MNAT1: variants seen among roughly 807,000 people sequenced by gnomAD.
The protein encoded by MNAT1 is CDK-activating kinase assembly factor MAT1.
Under a neutral mutation model 42.0 loss-of-function variants are expected in MNAT1, and 43 were observed. That is an observed-to-expected ratio of 1.02 (90% CI 0.80 to 1.32). The LOEUF (loss-of-function observed/expected upper bound fraction) is 1.32. Ranked by LOEUF, MNAT1 falls within the 40% of genes most tolerant of loss-of-function variation. The probability of loss-of-function intolerance (pLI) is 0.00; values close to 1 mark genes in which losing one functional copy is unlikely to be tolerated. For missense variants in MNAT1, 306 were observed against 350.4 expected (o/e 0.87, Z 1.01); for synonymous variants, 118 against 120.0 (o/e 0.98, Z 0.11).
chr14:60,796,175 G>T, intron 1 of MNAT1, 42 bp from the exon 2 acceptor site: 1 of 1,568,500 alleles, frequency 6.4e-7, no homozygotes, highest in South Asian at 1.2e-5. Context: ...TTGTAGATTT[G>T]AACATTGGCT....
At chr14:60,892,223 TTCTA>T (rs1253802542) in intron 7 of MNAT1, among the ~76,000 whole-genome samples, 12 of 152,136 alleles carry the variant, frequency 7.9e-5, no homozygotes, top group Admixed American at 3.3e-4. Flanking sequence ...TGTCTAGTTT[TTCTA>T]TCTATTATTG....
intron 1 of MNAT1, among the ~76,000 whole-genome samples, chr14:60,746,892 C>T (rs1220156086): frequency 2.8e-5 from 2 of 71,694 alleles, no homozygotes; most frequent in Admixed American, 1.7e-4. Context: ...TTTAAAGATT[C>T]ATTTCATATA....
intron 1 of MNAT1, among the ~76,000 whole-genome samples, chr14:60,782,064 A>G (rs1162861685): frequency 6.6e-6 from 1 of 151,610 alleles, no homozygotes; most frequent in Non-Finnish European, 1.5e-5. Flanking sequence ...TCTTCCTGGA[A>G]TGTCAATTTT....
chr14:60,884,268 C>T (rs4151304), intron 7 of MNAT1, among the ~76,000 whole-genome samples: 1,963 of 151,442 alleles, frequency 0.013, 43 homozygotes, highest in African/African-American at 0.046. Flanking sequence ...GGGTTTTTAC[C>T]ATGAAAGAAT....
chr14:60,929,179 A>ATG (rs2035834494), intron 7 of MNAT1, among the ~76,000 whole-genome samples: 1 of 141,608 alleles, frequency 7.1e-6, no homozygotes, highest in Non-Finnish European at 1.5e-5. Context: ...AAATATATAT[A>ATG]TATATATATA....
intron 7 of MNAT1, among the ~76,000 whole-genome samples, chr14:60,885,405 TTGAC>T (rs1273249489): frequency 2.6e-5 from 4 of 152,086 alleles, no homozygotes; most frequent in East Asian, 1.9e-4. Flanking sequence ...TTTGTTTTCT[TTGAC>T]TGTATTTTCA....
At chr14:60,776,013 C>T (rs145379463) in intron 1 of MNAT1, among the ~76,000 whole-genome samples, 287 of 152,254 alleles carry the variant, frequency 1.9e-3, no homozygotes, top group African/African-American at 6.7e-3. Context: ...TTTTCTTCAG[C>T]AAAATTTAGC....
intron 7 of MNAT1, among the ~76,000 whole-genome samples, chr14:60,944,720 T>C (rs2036239313): frequency 1.3e-5 from 2 of 152,198 alleles, no homozygotes; most frequent in South Asian, 4.1e-4. Context: ...TATAAAATTT[T>C]ATAAACTTAT....
intron 1 of MNAT1, among the ~76,000 whole-genome samples, chr14:60,758,961 G>A (rs979218994): frequency 6.6e-6 from 1 of 152,048 alleles, no homozygotes; most frequent in Admixed American, 6.6e-5. Flanking sequence ...GACGCACCAC[G>A]TTTTCCTCTG....
rs2036733788 is a variant in MNAT1, at chr14:60,969,107, C to G, written c.*758C>G. 6.6e-6 allele frequency: 1 copy of G among 152,294 alleles called. No homozygotes were observed. Among genetic ancestry groups the G allele is most frequent in the Non-Finnish European group, 1.5e-5 (1 of 68,138 alleles). The allele number at this position is 152,294 out of a possible 1,614,324, so 9.4% of individuals were successfully genotyped here. On this transcript the variant is annotated 3_prime_UTR_variant, in exon 8 of 8. Transcript: ENST00000261245. Reference sequence around the variant, plus strand: ...AATGTAAGCTCATTTTATGATGAATCCTTTGGAGACTGGAGAAGGTACATT... The same window carrying G: ...AATGTAAGCTCATTTTATGATGAATGCTTTGGAGACTGGAGAAGGTACATT...
intron 1 of MNAT1, among the ~76,000 whole-genome samples, chr14:60,783,948 G>A (rs1481875138): frequency 6.6e-6 from 1 of 151,982 alleles, no homozygotes; most frequent in African/African-American, 2.4e-5. Context: ...TTGCACTTCA[G>A]CCTCCCAAGT....
intron 7 of MNAT1, among the ~76,000 whole-genome samples, chr14:60,905,947 CAT>C (rs2035189069): frequency 6.6e-6 from 1 of 152,088 alleles, no homozygotes; most frequent in Non-Finnish European, 1.5e-5. Context: ...CAAGTTGACA[CAT>C]AAAATTCCAT....
At chr14:60,904,976 CTT>C (rs3081651) in intron 7 of MNAT1, among the ~76,000 whole-genome samples, 5 of 79,010 alleles carry the variant, frequency 6.3e-5, no homozygotes, top group African/African-American at 2.2e-4. Context: ...TCAGCAGTTC[CTT>C]TTTTTTTTTT....
intron 7 of MNAT1, among the ~76,000 whole-genome samples, chr14:60,960,751 C>T (rs2036572137): frequency 6.6e-6 from 1 of 152,134 alleles, no homozygotes; most frequent in Admixed American, 6.5e-5. Context: ...CCCCCATATC[C>T]ACCCACTCAC....
At chr14:60,771,072 A>T (rs972035152) in intron 1 of MNAT1, among the ~76,000 whole-genome samples, 35 of 152,284 alleles carry the variant, frequency 2.3e-4, no homozygotes, top group African/African-American at 7.9e-4. Flanking sequence ...GAATAAAACT[A>T]TTAGGTAATA....
rs1896422496 is a variant in MNAT1, at chr14:60,740,131, G to A, written c.89+5180G>A. ...GATCACACCACTGCACTCCAGCCTA[G>A]GCTACAGAGCAAGACTCCATCTTAA... On this transcript the variant is annotated intron_variant, in intron 1 of 7. Coordinates refer to ENST00000261245, the MANE Select transcript of MNAT1 (RefSeq NM_002431.4). The surrounding 1 kb of genome is among the most constrained non-coding windows in gnomAD (Gnocchi z 4.1). Among the ~76,000 whole-genome samples, 1 of 152,168 alleles carries A rather than the reference G, an allele frequency of 6.6e-6. No homozygotes were observed. Among genetic ancestry groups the A allele is most frequent in the Non-Finnish European group, 1.5e-5 (1 of 68,028 alleles).
intron 1 of MNAT1, among the ~76,000 whole-genome samples, chr14:60,780,768 G>T (rs1003226886): frequency 2.0e-5 from 3 of 151,990 alleles, no homozygotes; most frequent in Admixed American, 6.5e-5. Context: ...GTACCTATTT[G>T]ACTCACCATG....
At chr14:60,931,417 TG>T (rs1302401978) in intron 7 of MNAT1, among the ~76,000 whole-genome samples, 3 of 152,198 alleles carry the variant, frequency 2.0e-5, no homozygotes, top group African/African-American at 7.2e-5. Flanking sequence ...GAGAAATAAT[TG>T]GGGACAGGGA....
intron 7 of MNAT1, among the ~76,000 whole-genome samples, chr14:60,922,729 T>C (rs2035688420): frequency 6.6e-6 from 1 of 152,124 alleles, no homozygotes. Flanking sequence ...AGATTGTTAG[T>C]CAAATGGAAT....
Sources: gnomAD v4.1 joint callset for allele counts (sites outside exome capture counted in the v4.1 genomes callset) on GRCh38, gnomAD v4.1.1 for gene constraint, Gnocchi (gnomAD v3.1) non-coding constraint, MANE v1.5 for transcripts, NCBI Gene and HGNC (gene_info 2026-07-23, HGNC 2026-07-21) for gene names.